The following RUVBL2 variants were observed in gnomAD, a reference collection of about 807,000 sequenced individuals.
The protein encoded by RUVBL2 is ruvB-like 2.
Under a neutral mutation model 57.9 loss-of-function variants are expected in RUVBL2, and 9 were observed. The observed-to-expected ratio is 0.16, with a 90% CI of 0.09 to 0.27. The LOEUF is 0.27. Among genes scored for constraint, RUVBL2 ranks in the 10% least tolerant of loss-of-function variants. The probability of loss-of-function intolerance (pLI) is 1.00; values close to 1 mark genes in which losing one functional copy is unlikely to be tolerated. For missense variants in RUVBL2, 456 were observed against 669.6 expected, an observed-to-expected ratio of 0.68 and a Z score of 3.52; for synonymous variants, 278 against 264.6, an observed-to-expected ratio of 1.05 and a Z score of -0.49.
At chr19:49,000,763 G>A (rs1403299327) in intron 2 of RUVBL2, among the ~76,000 whole-genome samples, 1 of 150,776 alleles carries the variant, frequency 6.6e-6, no homozygotes, top group African/African-American at 2.4e-5. Flanking sequence ...TACTAGGGAG[G>A]ATGGCTTGAA....
intron 2 of RUVBL2, among the ~76,000 whole-genome samples, chr19:49,001,863 G>A (rs2039190359): frequency 6.6e-6 from 1 of 152,050 alleles, no homozygotes; most frequent in Admixed American, 6.6e-5. Flanking sequence ...GCCTGCCTCG[G>A]CCTCCCAAAA....
At chr19:49,002,792 C>T (rs1354896881) in intron 2 of RUVBL2, among the ~76,000 whole-genome samples, 1 of 152,134 alleles carries the variant, frequency 6.6e-6, no homozygotes, top group Admixed American at 6.5e-5. Flanking sequence ...ACCATGTTGG[C>T]CAGGCTGGTC....
chr19:49,013,258 G>A (rs1346115879), intron 11 of RUVBL2, among the ~76,000 whole-genome samples: 4 of 151,198 alleles, frequency 2.6e-5, no homozygotes, highest in Admixed American at 1.3e-4. Flanking sequence ...CACCGCGTCC[G>A]GCCTAATTTT....
chr19:48,998,189 C>A (rs923423804), intron 1 of RUVBL2, among the ~76,000 whole-genome samples: 15 of 152,176 alleles, frequency 9.9e-5, no homozygotes, highest in Admixed American at 9.2e-4. Flanking sequence ...ACAGAAAGGG[C>A]CTCCCCTAGG....
intron 2 of RUVBL2, among the ~76,000 whole-genome samples, chr19:49,002,877 G>A (rs1402991824): frequency 1.3e-5 from 2 of 152,128 alleles, no homozygotes; most frequent in African/African-American, 2.4e-5. Flanking sequence ...GAGCCACTGC[G>A]CCCGGCCCCA....
intron 1 of RUVBL2, among the ~76,000 whole-genome samples, chr19:48,995,986 C>CAAAAAA (rs562564350): frequency 2.4e-5 from 2 of 83,714 alleles, no homozygotes; most frequent in African/African-American, 4.5e-5. Context: ...GGCTGTGTCT[C>CAAAAAA]AAAAAAAAAA....
In RUVBL2 at chr19:49,003,190, C is replaced by T. The variant is rs140514871; in HGVS notation, c.68-89C>T. The T allele has an allele frequency of 1.5e-4, 118 of 788,162 alleles. 1 individual carries two copies. The highest frequency in any genetic ancestry group is 2.7e-4 in the Middle Eastern group (1 of 3,720). The allele number at this position is 788,162 out of a possible 1,614,324, so 48.8% of individuals were successfully genotyped here. On this transcript the variant is annotated intron_variant, in intron 2 of 14. Transcript: ENST00000595090. ...TCCCTACTCCCACCCACCCCTTTGA[C>T]AAAGAAGGAAACCAGGGCTCAGAGG... is the stretch of plus-strand genomic sequence containing the variant.
rs1448867855 is a variant in RUVBL2, at chr19:49,007,036, G to T, written c.284G>T (p.Gly95Val). The T allele has an allele frequency of 6.2e-7, 1 of 1,613,060 alleles. No homozygotes were observed. Among genetic ancestry groups the T allele is most frequent in the Admixed American group, 1.7e-5 (1 of 60,026 alleles). Residue 95 changes from glycine (G) to valine (V), a missense_variant, in exon 5 of 15, where the codon GGC becomes GTC. Physicochemically the swap from Gly to Val is moderately radical, Grantham distance 109 (BLOSUM62 -3). This residue lies in a region of RUVBL2 where 233 missense variants were observed against 306.0 expected (regional missense o/e 0.76). Transcript: ENST00000595090. Reference sequence around the variant, plus strand: ...TTCCCAGGCATGGCGCAGGCCCTGGGCCCTGACACGCCATTCACAGCCATC... The same window carrying T: ...TTCCCAGGCATGGCGCAGGCCCTGGTCCCTGACACGCCATTCACAGCCATC... ...AIAMGMAQAL[G>V]PDTPFTAIAG...
intron 11 of RUVBL2, among the ~76,000 whole-genome samples, chr19:49,012,843 C>CTA (rs1555803382): frequency 7.1e-5 from 10 of 141,804 alleles, no homozygotes; most frequent in African/African-American, 2.6e-4. Context: ...TCAGTGCCCA[C>CTA]CACACACACA....
rs757457764 is a variant in RUVBL2 at position 49,011,341 on chromosome 19, A to G, written c.1001+31A>G. The stretch of plus-strand genomic sequence containing the variant: ...CCGGCTACAGGGGCCTCTGGGGAAA[A>G]CAGGATGCTCTGGGCAGTGGGTGTG... On this transcript the variant is annotated intron_variant, in intron 11 of 14. Transcript: ENST00000595090. This position sits in a 1 kb window ranked among gnomAD's most constrained non-coding sequence, Gnocchi z 4.4. 8 of 1,569,854 alleles carry G rather than the reference A, an allele frequency of 5.1e-6. No individual in the cohort carries two copies. Among genetic ancestry groups the G allele is most frequent in the Middle Eastern group, 1.7e-4 (1 of 5,936 alleles).
At chr19:49,005,860 T>C (rs2039272238) in intron 4 of RUVBL2, among the ~76,000 whole-genome samples, 1 of 152,226 alleles carries the variant, frequency 6.6e-6, no homozygotes, top group South Asian at 2.1e-4. Flanking sequence ...GGTCCCGAAC[T>C]CCTGACCTCA....
At position 49,015,346 on chromosome 19, in the gene RUVBL2, A is replaced by G. The variant is rs954980769; in HGVS notation, c.1251+196A>G. Reference sequence around the variant, plus strand: ...AGTAAATCTCTCTTGACTTAAGTAGATGCTGTTAGGTCCACCTTACAGATA... The same window carrying G: ...AGTAAATCTCTCTTGACTTAAGTAGGTGCTGTTAGGTCCACCTTACAGATA... On this transcript the variant is annotated intron_variant, in intron 13 of 14. Transcript: ENST00000595090. 7 of 751,910 alleles carry G rather than the reference A, an allele frequency of 9.3e-6. No homozygotes were observed. In the African/African-American group the frequency reaches 1.2e-4, roughly 13 times the overall value. The allele number at this position is 751,910 out of a possible 1,614,324, so 46.6% of individuals were successfully genotyped here.
Position 49,011,077 on chromosome 19 carries a change from C to T in RUVBL2, c.866C>T (p.Ala289Val). The T allele has an allele frequency of 6.6e-7, 1 of 1,518,306 alleles. No homozygotes were observed. The highest frequency in any genetic ancestry group is 8.9e-7 in the Non-Finnish European group (1 of 1,122,564). 94.1% of individuals were successfully genotyped at this position (1,518,306 alleles called of 1,614,324 possible). ...KVAEWREEGK[A>V]EIIPGVLFID... ...GCTGAGTGGCGCGAGGAGGGCAAGG[C>T]GGAGATCATCCCTGGAGTGAGGACC... Residue 289 changes from alanine (A) to valine (V), a missense_variant, in exon 10 of 15, where the codon GCG (alanine) becomes GTG (valine). Ala to Val is a moderately conservative substitution (Grantham distance 64, BLOSUM62 0). Coordinates refer to ENST00000595090, the MANE Select transcript of RUVBL2 (RefSeq NM_006666.3). This position sits in a 1 kb window ranked among gnomAD's most constrained non-coding sequence, Gnocchi z 4.4.
Position 49,011,766 on chromosome 19 carries a change from C to T in RUVBL2, c.1001+456C>T, listed in dbSNP as rs1336321579. On this transcript the variant is annotated intron_variant, in intron 11 of 14. Coordinates refer to ENST00000595090, the MANE Select transcript of RUVBL2 (RefSeq NM_006666.3). This position sits in a 1 kb window ranked among gnomAD's most constrained non-coding sequence, Gnocchi z 4.4. ...CAGATTCCCATGACACAGAGGGTAC[C>T]GTGCTCTGCTGAAGCCTGGGAACCT... is the stretch of plus-strand genomic sequence containing the variant. Among the ~76,000 whole-genome samples the T allele has an allele frequency of 1.3e-5, 2 of 151,694 alleles. No individual in the cohort carries two copies. The highest frequency in any genetic ancestry group is 2.4e-5 in the African/African-American group (1 of 41,310).
intron 4 of RUVBL2, among the ~76,000 whole-genome samples, chr19:49,004,625 G>A (rs989693591): frequency 6.6e-6 from 1 of 152,088 alleles, no homozygotes; most frequent in African/African-American, 2.4e-5. Flanking sequence ...CCATCTTCCT[G>A]CCTCACCATC....
chr19:49,010,649 C>G (rs780739651), intron 9 of RUVBL2, 38 bp downstream of exon 9: 8 of 1,610,594 alleles, frequency 5.0e-6, no homozygotes, highest in Non-Finnish European at 8.5e-7. Flanking sequence ...CTGCCCTGCC[C>G]CAGGCCTAGC....
In RUVBL2 at chr19:49,010,483, C is replaced by CCAACAACAAAA; in HGVS notation, c.664-5_664-4insCAACAACAAAA. ...CGCCGTTCTTCCCCCACCCCCGCCC[C>CCAACAACAAAA]ATAGACCAAGTTCGTGCAGTGCCCA... is the stretch of plus-strand genomic sequence containing the variant. On this transcript the variant is annotated splice_polypyrimidine_tract_variant and splice_region_variant and intron_variant, in intron 8 of 14. Transcript: ENST00000595090. The CCAACAACAAAA allele has an allele frequency of 1.3e-6, 2 of 1,575,978 alleles. No individual in the cohort carries two copies. Among genetic ancestry groups the CCAACAACAAAA allele is most frequent in the Non-Finnish European group, 8.7e-7 (1 of 1,148,104 alleles).
At chr19:49,014,897 T>C in intron 12 of RUVBL2, 124 bp from the exon 13 acceptor site, 2 of 1,338,936 alleles carry the variant, frequency 1.5e-6, no homozygotes, top group South Asian at 1.4e-5. Flanking sequence ...CAGCATTCTA[T>C]GGTTCTAAGA....
chr19:49,014,448 G>C, intron 11 of RUVBL2, 36 bp from the exon 12 acceptor site: 1 of 1,603,228 alleles, frequency 6.2e-7, no homozygotes, highest in African/African-American at 1.3e-5. Context: ...GAGGGAACAT[G>C]CCCCTGACAG....
Sources: allele counts gnomAD v4.1 joint callset (sites outside exome capture counted in the v4.1 genomes callset), GRCh38; gene constraint gnomAD v4.1.1; regional missense constraint gnomAD v4.1.1; non-coding constraint Gnocchi (gnomAD v3.1); transcripts MANE v1.5; gene names NCBI Gene and HGNC (gene_info 2026-07-23, HGNC 2026-07-21).